The following DNAH14 variants were observed in gnomAD, a reference collection of about 807,000 sequenced individuals.
DNAH14 encodes the protein dynein axonemal heavy chain 14, also known as axonemal beta dynein heavy chain 14.
A neutral mutation model predicts 520.9 loss-of-function variants in DNAH14; 478 were observed. The ratio of observed to expected loss-of-function variants is 0.92; its 90% CI spans 0.85 to 0.99. DNAH14 has a LOEUF of 0.99. Among genes scored for constraint, DNAH14 ranks in the 50% least tolerant of loss-of-function variants. DNAH14 has a pLI of 0.00. For missense variants in DNAH14, 4,831 were observed against 5,234.5 expected, an observed-to-expected ratio of 0.92 and a Z score of 2.38; for synonymous variants, 1,581 against 1,757.2, an observed-to-expected ratio of 0.90 and a Z score of 2.51.
At chr1:225,147,473 A>G (rs1473132991) in intron 31 of DNAH14, among the ~76,000 whole-genome samples, 1 of 152,150 alleles carries the variant, frequency 6.6e-6, no homozygotes, top group East Asian at 1.9e-4. Flanking sequence ...ACTTAGAAGT[A>G]CCCAAATTCT....
chr1:224,936,787 A>G (rs1032324745), intron 1 of DNAH14, among the ~76,000 whole-genome samples: 1 of 152,028 alleles, frequency 6.6e-6, no homozygotes, highest in Non-Finnish European at 1.5e-5. Context: ...ATACGCAAGT[A>G]TCACTGATGA....
At chr1:224,970,536 C>T (rs2061443954) in intron 7 of DNAH14, among the ~76,000 whole-genome samples, 2 of 152,148 alleles carry the variant, frequency 1.3e-5, no homozygotes, top group East Asian at 1.9e-4. Context: ...GGTTTTACCG[C>T]TCGGGGGCAT....
intron 35 of DNAH14, among the ~76,000 whole-genome samples, chr1:225,161,554 G>T (rs2081523635): frequency 6.6e-6 from 1 of 152,116 alleles, no homozygotes; most frequent in Non-Finnish European, 1.5e-5. Context: ...TAATATGGTA[G>T]CTCTGTTTTT....
intron 84 of DNAH14, chr1:225,397,923 T>C (rs2150921024): frequency 6.6e-6 from 1 of 151,956 alleles, no homozygotes; most frequent in East Asian, 1.9e-4. Context: ...GGTGTGCTCC[T>C]GTAATCCCAG....
intron 66 of DNAH14, among the ~76,000 whole-genome samples, chr1:225,335,116 TACATGTGTACATATGTGCATGTGC>T (rs1220647962): frequency 6.8e-6 from 1 of 147,172 alleles, no homozygotes; most frequent in African/African-American, 2.5e-5. Context: ...TATACATATA[TACATGTGTACATATGTGCATGTGC>T]ACATGTGTAC....
chr1:225,252,195 T>C lies in DNAH14; in HGVS notation c.6749-106T>C. The C allele has an allele frequency of 4.2e-6, 3 of 721,278 alleles. 1 individual carries two copies. The highest frequency in any genetic ancestry group is 7.5e-6 in the Non-Finnish European group (3 of 402,274). The allele number at this position is 721,278 out of a possible 1,614,324, so 44.7% of individuals were successfully genotyped here. On this transcript the variant is annotated intron_variant, in intron 43 of 85. Coordinates refer to ENST00000682510, the MANE Select transcript of DNAH14 (RefSeq NM_001367479.1). The stretch of plus-strand genomic sequence containing the variant: ...GGATATACCCTTGGTGAATACTTAT[T>C]ATTTCTTGTTCAACAATCAGATCTT...
chr1:225,340,654 T>C lies in DNAH14; in HGVS notation c.10631T>C (p.Leu3544Pro). Reference protein sequence around the residue: ...LESISLDAITLEELEEKTLNL... With the variant: ...LESISLDAITPEELEEKTLNL... The stretch of plus-strand genomic sequence containing the variant: ...AGTATTTCCCTTGATGCCATAACTC[T>C]TGAAGAACTAGAGGAAAAAACATTA... The change falls in exon 69 of 86, where the codon CTT becomes CCT. Residue 3544 changes from leucine (L) to proline (P), a missense_variant. Physicochemically the swap from Leu to Pro is moderately conservative, Grantham distance 98. Coordinates refer to ENST00000682510, the MANE Select transcript of DNAH14 (RefSeq NM_001367479.1). 6.4e-7 allele frequency: 1 copy of C among 1,551,382 alleles called. No homozygotes were observed.
At chr1:225,225,989 G>A (rs962562809) in intron 41 of DNAH14, among the ~76,000 whole-genome samples, 1 of 152,192 alleles carries the variant, frequency 6.6e-6, no homozygotes, top group Non-Finnish European at 1.5e-5. Flanking sequence ...TCAGGAGGCT[G>A]AGTGAATCCT....
intron 1 of DNAH14, among the ~76,000 whole-genome samples, chr1:224,930,889 C>T (rs752020012): frequency 3.7e-4 from 56 of 152,314 alleles, no homozygotes; most frequent in Admixed American, 5.9e-4. Flanking sequence ...TGAGCCACGG[C>T]GCCCGGCCTC....
At chr1:225,246,133 A>G (rs891432273) in intron 43 of DNAH14, among the ~76,000 whole-genome samples, 1 of 150,024 alleles carries the variant, frequency 6.7e-6, no homozygotes, top group Non-Finnish European at 1.5e-5. Flanking sequence ...AAGGATAAGG[A>G]TTCCCTATTT....
At chr1:225,093,576 A>G (rs1269849817) in intron 21 of DNAH14, among the ~76,000 whole-genome samples, 2 of 152,170 alleles carry the variant, frequency 1.3e-5, no homozygotes, top group South Asian at 2.1e-4. Flanking sequence ...CCAGAAGAAG[A>G]CAAGGATGCC....
chr1:225,340,793 AC>A, intron 69 of DNAH14, 92 bp downstream of exon 69: 1 of 1,372,270 alleles, frequency 7.3e-7, no homozygotes, highest in Non-Finnish European at 9.7e-7. Context: ...AGCCAAAAAT[AC>A]CAAATCTCCA....
intron 84 of DNAH14, chr1:225,397,738 A>AT (rs1269630787): frequency 1.3e-5 from 2 of 152,206 alleles, no homozygotes; most frequent in Non-Finnish European, 2.9e-5. Flanking sequence ...TATTTAACCT[A>AT]TATCATTCAA....
intron 42 of DNAH14, among the ~76,000 whole-genome samples, chr1:225,235,973 T>TTCAAAA (rs2091550244): frequency 6.6e-6 from 1 of 152,178 alleles, no homozygotes; most frequent in South Asian, 2.1e-4. Flanking sequence ...ATTAATTTTT[T>TTCAAAA]TCAAAAAATC....
chr1:225,034,603 G>A (rs1288734272), intron 11 of DNAH14, among the ~76,000 whole-genome samples: 1 of 151,610 alleles, frequency 6.6e-6, no homozygotes, highest in Admixed American at 6.6e-5. Context: ...GATTTTGGGA[G>A]AGAAATTCTT....
At position 225,185,271 on chromosome 1, in the gene DNAH14, A is replaced by G; in HGVS notation, c.5536-20A>G. On this transcript the variant is annotated intron_variant, in intron 36 of 85. Transcript: ENST00000682510. The stretch of plus-strand genomic sequence containing the variant: ...CTTAAAATCATTAATGAATGAATAA[A>G]TCTGTAAATTTTGTTTTAGGTTTGT... 1.3e-6 allele frequency: 2 copies of G among 1,538,166 alleles called. No individual in the cohort carries two copies. The highest frequency in any genetic ancestry group is 1.7e-6 in the Non-Finnish European group (2 of 1,143,020).
chr1:225,050,285 A>C lies in DNAH14; in HGVS notation c.1988A>C (p.Asn663Thr). ...TTGGTTTCAATAATGGATTTACCTA[A>C]TAAGACAGGAAGCATAATACATTAT... ...IDLVSIMDLP[N>T]KTGSIIHYKE... Residue 663 changes from asparagine (N) to threonine (T), a missense_variant, in exon 16 of 86, where the codon AAT becomes ACT. Coordinates refer to ENST00000682510, the MANE Select transcript of DNAH14 (RefSeq NM_001367479.1). The C allele has an allele frequency of 1.3e-6, 2 of 1,550,252 alleles. No homozygotes were observed. Among genetic ancestry groups the C allele is most frequent in the South Asian group, 2.4e-5 (2 of 83,432 alleles).
intron 28 of DNAH14, among the ~76,000 whole-genome samples, chr1:225,142,971 A>AT (rs996029371): frequency 3.9e-5 from 6 of 151,912 alleles, no homozygotes; most frequent in South Asian, 4.2e-4. Context: ...AATGAAATAA[A>AT]TTTTTTTTTC....
chr1:225,165,819 A>G (rs2149185354), intron 35 of DNAH14, among the ~76,000 whole-genome samples: 1 of 152,174 alleles, frequency 6.6e-6, no homozygotes, highest in Non-Finnish European at 1.5e-5. Flanking sequence ...TCCTGGGCTC[A>G]AGCCGTCCGT....
Sources: gnomAD v4.1 joint callset for allele counts (sites outside exome capture counted in the v4.1 genomes callset) on GRCh38, gnomAD v4.1.1 for gene constraint, MANE v1.5 for transcripts, NCBI Gene and HGNC (gene_info 2026-07-23, HGNC 2026-07-21) for gene names.